Variants in TSPAN8 observed in about 807,000 individuals in gnomAD.
TSPAN8 encodes tetraspanin 8.
In TSPAN8, 21 loss-of-function variants were observed where a neutral mutation model predicts 32.8. The ratio of observed to expected loss-of-function variants is 0.64; its 90% confidence interval spans 0.45 to 0.92. TSPAN8 has a LOEUF of 0.92. Ranked by LOEUF, TSPAN8 falls within the 40% of genes least tolerant of loss-of-function variation. The pLI is 0.00. For missense variants in TSPAN8, 269 were observed against 281.9 expected, an observed-to-expected ratio of 0.95 and a Z score of 0.33; for synonymous variants, 95 against 94.6, an observed-to-expected ratio of 1.00 and a Z score of -0.03.
At chr12:71,156,764 G>A (rs1872457167) in intron 2 of TSPAN8, 1 of 152,122 alleles carries the variant, frequency 6.6e-6, no homozygotes, top group African/African-American at 2.4e-5. Context: ...TTTTAATCCA[G>A]TATACAAAAT....
At chr12:71,151,183 C>A (rs1218597130) in intron 2 of TSPAN8, among the ~76,000 whole-genome samples, 1 of 151,956 alleles carries the variant, frequency 6.6e-6, no homozygotes, top group Non-Finnish European at 1.5e-5. Flanking sequence ...CCTGCCTCAG[C>A]CTCCTGAGTA....
At chr12:71,153,533 G>A (rs139653356) in intron 2 of TSPAN8, among the ~76,000 whole-genome samples, 14 of 152,300 alleles carry the variant, frequency 9.2e-5, no homozygotes, top group African/African-American at 3.4e-4. Flanking sequence ...CAAAGGCTCA[G>A]TTTTGCAAGT....
intron 8 of TSPAN8, among the ~76,000 whole-genome samples, chr12:71,127,805 T>C (rs564058949): frequency 1.3e-5 from 2 of 152,328 alleles, no homozygotes; most frequent in Admixed American, 6.5e-5. Flanking sequence ...CCTTACTTTT[T>C]CTGGTTTTGC....
chr12:71,153,889 G>A (rs987132537), intron 2 of TSPAN8, among the ~76,000 whole-genome samples: 1 of 152,128 alleles, frequency 6.6e-6, no homozygotes, highest in East Asian at 1.9e-4. Context: ...TTGTAAATCC[G>A]ACCACATATG....
In TSPAN8 at chr12:71,157,943, G is replaced by T. The variant is rs1029280397; in HGVS notation, c.-123C>A. 17 of 429,772 alleles carry T rather than the reference G, an allele frequency of 4.0e-5. No individual in the cohort carries two copies. The highest frequency in any genetic ancestry group is 6.3e-5 in the Non-Finnish European group (15 of 239,786). The allele number at this position is 429,772 out of a possible 1,614,324, so 26.6% of individuals were successfully genotyped here. On this transcript the variant is annotated 5_prime_UTR_variant, in exon 1 of 9. It introduces an in-frame stop codon into an upstream open reading frame of the 5' UTR. Transcript: ENST00000247829. Reference sequence around the variant, plus strand: ...CTATTAACTCACACATTTAAATATCGCAAAGGCTATCTCCAGGCAAGTATG... The same window carrying T: ...CTATTAACTCACACATTTAAATATCTCAAAGGCTATCTCCAGGCAAGTATG...
rs546653053 is a variant in TSPAN8, at chr12:71,157,249, C to T, written c.60+370G>A. The T allele has an allele frequency of 5.1e-5, 9 of 177,036 alleles. No homozygotes were observed. In the East Asian group the frequency reaches 1.4e-3, roughly 27 times the overall value. The allele number at this position is 177,036 out of a possible 1,614,324, so 11.0% of individuals were successfully genotyped here. Reference sequence around the variant, plus strand: ...AAGGGCGGGAATCAGGACCCGGGCTCCGGATGGAATCAGACCATGTTTTTA... The same window carrying T: ...AAGGGCGGGAATCAGGACCCGGGCTTCGGATGGAATCAGACCATGTTTTTA... On this transcript the variant is annotated intron_variant, in intron 2 of 8. Coordinates refer to ENST00000247829, the MANE Select transcript of TSPAN8 (RefSeq NM_004616.3).
chr12:71,133,321 G>A (rs759620805), intron 6 of TSPAN8, among the ~76,000 whole-genome samples: 5 of 152,124 alleles, frequency 3.3e-5, no homozygotes, highest in African/African-American at 4.8e-5. Context: ...TCCTGACCTC[G>A]TGATCTGTCC....
At chr12:71,126,580 CATAATTAAAAGAG>C (rs1252397503) in intron 8 of TSPAN8, among the ~76,000 whole-genome samples, 1 of 151,956 alleles carries the variant, frequency 6.6e-6, no homozygotes, top group Non-Finnish European at 1.5e-5. Context: ...AAAAAAAGCA[CATAATTAAAAGAG>C]ATTTGTCATT....
chr12:71,131,499 G>A (rs1387811037), intron 7 of TSPAN8, among the ~76,000 whole-genome samples: 2 of 151,782 alleles, frequency 1.3e-5, no homozygotes, highest in African/African-American at 4.8e-5. Context: ...ATTTTCAGTA[G>A]CAGTTACTAA....
chr12:71,147,798 G>A (rs539905556), intron 2 of TSPAN8, among the ~76,000 whole-genome samples: 6 of 152,244 alleles, frequency 3.9e-5, no homozygotes, highest in African/African-American at 1.4e-4. Flanking sequence ...AGTCTCAAGA[G>A]GGTACAAAGT....
Position 71,153,840 on chromosome 12 carries a change from T to C in TSPAN8, c.60+3779A>G, listed in dbSNP as rs545172705. ...TCACTGGTTTTTATAATTGTTGCTC[T>C]CACTGAAAGACTCCATTTCAAAATC... is the stretch of plus-strand genomic sequence containing the variant. On this transcript the variant is annotated intron_variant, in intron 2 of 8. Coordinates refer to ENST00000247829, the MANE Select transcript of TSPAN8 (RefSeq NM_004616.3). Among the ~76,000 whole-genome samples, 3 of 152,186 alleles carry C rather than the reference T, an allele frequency of 2.0e-5. No individual in the cohort carries two copies. The East Asian group carries it at 5.8e-4, about 29-fold the overall frequency.
intron 4 of TSPAN8, among the ~76,000 whole-genome samples, chr12:71,138,550 C>G (rs1030169440): frequency 4.6e-5 from 7 of 152,120 alleles, no homozygotes; most frequent in African/African-American, 1.4e-4. Context: ...TACTCCTTCC[C>G]TTTCTTCATC....
intron 3 of TSPAN8, among the ~76,000 whole-genome samples, chr12:71,142,561 T>A (rs534765088): frequency 7.0e-4 from 107 of 152,282 alleles, no homozygotes; most frequent in African/African-American, 2.5e-3. Context: ...TTCTACAGGA[T>A]GGTAATTCTG....
At chr12:71,155,558 A>G (rs575349800) in intron 2 of TSPAN8, among the ~76,000 whole-genome samples, 11 of 152,228 alleles carry the variant, frequency 7.2e-5, no homozygotes, top group African/African-American at 2.6e-4. Context: ...AACCAACCAC[A>G]CAGTGTGGAC....
In TSPAN8 at chr12:71,151,600, A is replaced by G. The variant is rs555855764; in HGVS notation, c.60+6019T>C. Among the ~76,000 whole-genome samples, 4 of 152,284 alleles carry G rather than the reference A, an allele frequency of 2.6e-5. No homozygotes were observed. The East Asian group carries it at 7.7e-4, about 29-fold the overall frequency. On this transcript the variant is annotated intron_variant, in intron 2 of 8. Coordinates refer to ENST00000247829, the MANE Select transcript of TSPAN8 (RefSeq NM_004616.3). ...ACAAATTCAGTAATATTCTTACCAT[A>G]TTGTTTCAAAAGTATAACGTTCATA... is the stretch of plus-strand genomic sequence containing the variant.
At chr12:71,134,681 T>A (rs908055545) in intron 6 of TSPAN8, among the ~76,000 whole-genome samples, 4 of 152,222 alleles carry the variant, frequency 2.6e-5, no homozygotes, top group African/African-American at 9.6e-5. Flanking sequence ...TATTCACTGA[T>A]ACAGATACCC....
chr12:71,151,208 T>C (rs1872244329), intron 2 of TSPAN8, among the ~76,000 whole-genome samples: 1 of 151,862 alleles, frequency 6.6e-6, no homozygotes, highest in Admixed American at 6.6e-5. Flanking sequence ...GGACTACAGG[T>C]GTCAGCCACC....
Position 71,137,878 on chromosome 12 carries a change from G to A in TSPAN8, c.444+75C>T, listed in dbSNP as rs1000036780. 6 of 1,339,122 alleles carry A rather than the reference G, an allele frequency of 4.5e-6. No homozygotes were observed. In the African/African-American group the frequency reaches 8.9e-5, roughly 20 times the overall value. 83.0% of individuals were successfully genotyped at this position (1,339,122 alleles called of 1,614,324 possible). ...AATGGAGACATTTTTCAATCTTTAA[G>A]GAAGATGTTAAAAACTAAACAAACA... On this transcript the variant is annotated intron_variant, in intron 6 of 8. Coordinates refer to ENST00000247829, the MANE Select transcript of TSPAN8 (RefSeq NM_004616.3).
rs775394048 is a variant in TSPAN8, at chr12:71,139,755, C to T, written c.217G>A (p.Gly73Arg). ...CTTTCTTTTATAGCACCGCAGCATC[C>T]CAGGAAGCCCAGAATCATGATGATG... Reference protein sequence around the residue: ...GAIIMILGFLGCCGAIKESRC... With the variant: ...GAIIMILGFLRCCGAIKESRC... Residue 73 changes from glycine (G) to arginine (R), a missense_variant, in exon 4 of 9, where the codon GGA becomes AGA. Gly to Arg is a moderately radical substitution (Grantham distance 125). Transcript: ENST00000247829. 1.2e-6 allele frequency: 2 copies of T among 1,613,884 alleles called. No homozygotes were observed. The highest frequency in any genetic ancestry group is 1.1e-5 in the South Asian group (1 of 91,058).
Sources: allele counts gnomAD v4.1 joint callset (sites outside exome capture counted in the v4.1 genomes callset), GRCh38; gene constraint gnomAD v4.1.1; transcripts MANE v1.5; gene names NCBI Gene and HGNC (gene_info 2026-07-23, HGNC 2026-07-21).